The following CYRIA variants were observed in gnomAD, a reference collection of about 807,000 sequenced individuals.
CYRIA encodes CYFIP-related Rac1 interactor A.
Under a neutral mutation model 43.9 loss-of-function variants are expected in CYRIA, and 15 were observed. The observed-to-expected ratio is 0.34, with a 90% CI of 0.23 to 0.53. The LOEUF is 0.53. CYRIA is among the 20% of genes least tolerant of loss of function. The pLI is 0.94. For missense variants in CYRIA, 236 were observed against 394.2 expected (o/e 0.60, Z 3.40); for synonymous variants, 117 against 136.0 (o/e 0.86, Z 0.97).
chr2:16,641,747 A>G (rs1246692301), intron 1 of CYRIA, among the ~76,000 whole-genome samples: 1 of 152,216 alleles, frequency 6.6e-6, no homozygotes, highest in Non-Finnish European at 1.5e-5. Flanking sequence ...TTTGCAGGAG[A>G]TGCAGCAACA....
intron 3 of CYRIA, among the ~76,000 whole-genome samples, chr2:16,568,075 A>C (rs538532766): frequency 6.6e-6 from 1 of 152,306 alleles, no homozygotes; most frequent in East Asian, 1.9e-4. Flanking sequence ...TGAGCTTCCC[A>C]TATCCAAAAA....
At chr2:16,586,428 TA>T (rs1270448494) in intron 3 of CYRIA, among the ~76,000 whole-genome samples, 2 of 152,062 alleles carry the variant, frequency 1.3e-5, no homozygotes, top group Admixed American at 1.3e-4. Flanking sequence ...GTTAAACCAG[TA>T]AAAAGGCCCA....
chr2:16,561,930 G>T lies in CYRIA; in HGVS notation c.435+75C>A, dbSNP rs1036912031. ...CATTTCTCTACCCACCCACCCCACAGCACTAACAGAACAGCTGTAAACAGT... is the reference window on the plus strand; with the variant it reads ...CATTTCTCTACCCACCCACCCCACATCACTAACAGAACAGCTGTAAACAGT... On this transcript the variant is annotated intron_variant, in intron 6 of 11. Coordinates refer to ENST00000381323, the MANE Select transcript of CYRIA (RefSeq NM_030797.4). 2.6e-5 allele frequency: 37 copies of T among 1,429,596 alleles called. No individual in the cohort carries two copies. The Admixed American group carries it at 4.6e-4, about 18-fold the overall frequency. The allele number at this position is 1,429,596 out of a possible 1,614,324, so 88.6% of individuals were successfully genotyped here.
intron 1 of CYRIA, among the ~76,000 whole-genome samples, chr2:16,660,738 A>G (rs573881873): frequency 2.0e-5 from 3 of 152,352 alleles, no homozygotes; most frequent in African/African-American, 7.2e-5. Context: ...TATCTATGCC[A>G]TACAGAATTT....
intron 1 of CYRIA, among the ~76,000 whole-genome samples, chr2:16,647,946 A>G (rs370994321): frequency 2.6e-5 from 4 of 152,184 alleles, no homozygotes; most frequent in East Asian, 1.9e-4. Context: ...TTTGAGGCCC[A>G]CGGCCCTGTC....
intron 10 of CYRIA, 109 bp downstream of exon 10, chr2:16,559,351 G>T: frequency 1.5e-6 from 2 of 1,315,826 alleles, no homozygotes; most frequent in Non-Finnish European, 2.1e-6. Context: ...GTGCATCTTA[G>T]AAAGATCACT....
rs539784126 is a variant in CYRIA, at chr2:16,638,347, A to G, written c.-166-14328T>C. 3.8e-3 allele frequency among the ~76,000 whole-genome samples: 579 copies of G among 152,312 alleles called. 2 individuals carry two copies. Among genetic ancestry groups the G allele is most frequent in the Non-Finnish European group, 6.1e-3 (414 of 68,034 alleles). ...CGATTAAGTACAGTGTGGCAGTTGC[A>G]CAGGCTGGTGTGGAAGCATCCGTGG... On this transcript the variant is annotated intron_variant, in intron 1 of 11. Coordinates refer to ENST00000381323, the MANE Select transcript of CYRIA (RefSeq NM_030797.4).
intron 9 of CYRIA, 73 bp from the exon 10 acceptor site, chr2:16,559,659 T>C (rs1666656915): frequency 1.9e-6 from 3 of 1,548,132 alleles, no homozygotes; most frequent in South Asian, 1.2e-5. Flanking sequence ...CACAACTGGA[T>C]ACTTTAGATG....
chr2:16,593,949 T>C (rs1459458640), intron 2 of CYRIA, among the ~76,000 whole-genome samples: 1 of 121,262 alleles, frequency 8.2e-6, no homozygotes, highest in Non-Finnish European at 1.7e-5. Flanking sequence ...CATTGTTCAA[T>C]TCCCACCTAT....
chr2:16,551,384 G>C lies in CYRIA; in HGVS notation c.*1552C>G, dbSNP rs1459181666. ...GACTCCTTCTAGTGGAAACAGGCAA[G>C]TAACAATATAGACCAGACTGAGGAT... On this transcript the variant is annotated 3_prime_UTR_variant, in exon 12 of 12. Transcript: ENST00000381323. 1 of 152,158 alleles carries C rather than the reference G, an allele frequency of 6.6e-6. No individual in the cohort carries two copies. The highest frequency in any genetic ancestry group is 2.4e-5 in the African/African-American group (1 of 41,450). 9.4% of individuals were successfully genotyped at this position (152,158 alleles called of 1,614,324 possible). A position where few individuals can be genotyped will look rare whatever the true frequency, so the allele number is the denominator to read the frequency against.
chr2:16,614,006 G>A (rs1236138718), intron 2 of CYRIA, among the ~76,000 whole-genome samples: 1 of 152,158 alleles, frequency 6.6e-6, no homozygotes, highest in Non-Finnish European at 1.5e-5. Flanking sequence ...GTTTTCCACT[G>A]AGGAAAACAT....
intron 5 of CYRIA, among the ~76,000 whole-genome samples, chr2:16,563,369 C>G (rs1666818872): frequency 6.6e-6 from 1 of 152,122 alleles, no homozygotes; most frequent in African/African-American, 2.4e-5. Flanking sequence ...TCCTCTTAAT[C>G]TGTGGCACTC....
intron 3 of CYRIA, among the ~76,000 whole-genome samples, chr2:16,584,203 T>G (rs1040932693): frequency 6.6e-6 from 1 of 152,064 alleles, no homozygotes; most frequent in African/African-American, 2.4e-5. Flanking sequence ...AATTCATCAG[T>G]CCCTTTTCAA....
intron 3 of CYRIA, among the ~76,000 whole-genome samples, chr2:16,579,448 C>T (rs981136513): frequency 5.3e-5 from 8 of 151,736 alleles, no homozygotes; most frequent in African/African-American, 1.7e-4. Flanking sequence ...CACACACACT[C>T]GCTCTCTCTC....
intron 3 of CYRIA, among the ~76,000 whole-genome samples, chr2:16,567,846 T>A (rs1377107274): frequency 6.6e-6 from 1 of 152,050 alleles, no homozygotes; most frequent in African/African-American, 2.4e-5. Flanking sequence ...AGAAGATGAA[T>A]GTGGTCTGGA....
intron 2 of CYRIA, among the ~76,000 whole-genome samples, chr2:16,621,989 T>C (rs1198745230): frequency 6.6e-6 from 1 of 152,186 alleles, no homozygotes; most frequent in Non-Finnish European, 1.5e-5. Context: ...AGCCACCCAC[T>C]GCATGGTTCA....
chr2:16,569,702 AGTGACAT>A (rs751044484), intron 3 of CYRIA, among the ~76,000 whole-genome samples: 2 of 152,248 alleles, frequency 1.3e-5, no homozygotes, highest in Non-Finnish European at 2.9e-5. Flanking sequence ...TGTGACCCAC[AGTGACAT>A]GTGACATTGG....
intron 2 of CYRIA, 67 bp from the exon 3 acceptor site, chr2:16,588,196 C>A (rs1667801302): frequency 9.8e-7 from 1 of 1,021,048 alleles, no homozygotes; most frequent in Non-Finnish European, 1.5e-6. Context: ...CGTGAATATC[C>A]CTGGGCCCCC....
intron 11 of CYRIA, among the ~76,000 whole-genome samples, chr2:16,553,335 A>G (rs1181947124): frequency 6.6e-6 from 1 of 152,164 alleles, no homozygotes; most frequent in Admixed American, 6.6e-5. Flanking sequence ...CAAATTTCAG[A>G]ATAGAGATTT....
Sources: gnomAD v4.1 joint callset for allele counts (sites outside exome capture counted in the v4.1 genomes callset) on GRCh38, gnomAD v4.1.1 for gene constraint, MANE v1.5 for transcripts, NCBI Gene and HGNC (gene_info 2026-07-23, HGNC 2026-07-21) for gene names.